CNKSR3: variants seen among roughly 807,000 people sequenced by gnomAD.
CNKSR3 encodes the protein CNKSR family member 3.
Under a neutral mutation model 67.7 loss-of-function variants are expected in CNKSR3, and 36 were observed. The observed-to-expected ratio is 0.53, with a 90% CI of 0.41 to 0.70. The LOEUF is 0.70. Ranked by LOEUF, CNKSR3 falls within the 30% of genes least tolerant of loss-of-function variation. The pLI, the probability that CNKSR3 is intolerant of heterozygous loss-of-function variation, is 0.00. For missense variants in CNKSR3, 630 were observed against 695.2 expected (o/e 0.91, Z 1.05); for synonymous variants, 281 against 271.4 (o/e 1.04, Z -0.35).
At chr6:154,468,080 C>CTTTTTTTTTTTTTTTTTTTTTTT (rs71021055) in intron 1 of CNKSR3, among the ~76,000 whole-genome samples, 1 of 107,494 alleles carries the variant, frequency 9.3e-6, no homozygotes, top group Non-Finnish European at 1.7e-5. Flanking sequence ...TCTTTTTTTT[C>CTTTTTTTTTTTTTTTTTTTTTTT]TTTTTTTTTT....
At chr6:154,508,978 G>A (rs1305444206) in intron 1 of CNKSR3, among the ~76,000 whole-genome samples, 1 of 152,178 alleles carries the variant, frequency 6.6e-6, no homozygotes, top group Non-Finnish European at 1.5e-5. Context: ...CTACCTCACA[G>A]GCTTACTGTG....
chr6:154,449,948 C>T, intron 2 of CNKSR3, 147 bp downstream of exon 2: 2 of 754,178 alleles, frequency 2.7e-6, no homozygotes, highest in Non-Finnish European at 2.0e-6. Flanking sequence ...CTTATTTTTC[C>T]CCTTCCTATA....
chr6:154,418,335 T>C (rs1408069094), intron 9 of CNKSR3, among the ~76,000 whole-genome samples: 1 of 152,184 alleles, frequency 6.6e-6, no homozygotes, highest in Non-Finnish European at 1.5e-5. Context: ...CCCTCAAAAT[T>C]GCTTTCACAA....
chr6:154,410,859 A>C, intron 11 of CNKSR3, 75 bp downstream of exon 11: 1 of 1,158,936 alleles, frequency 8.6e-7, no homozygotes, highest in Admixed American at 2.1e-5. Flanking sequence ...TTCATCCAAC[A>C]GTTCCAACTA....
chr6:154,452,302 G>A (rs55766480), intron 1 of CNKSR3, among the ~76,000 whole-genome samples: 44,489 of 152,058 alleles, frequency 0.29, 6,908 homozygotes, highest in East Asian at 0.44. Flanking sequence ...TATAACCCAG[G>A]ATTATAAAAA....
intron 1 of CNKSR3, among the ~76,000 whole-genome samples, chr6:154,472,674 A>G (rs1436351467): frequency 6.6e-6 from 1 of 152,226 alleles, no homozygotes; most frequent in Non-Finnish European, 1.5e-5. Context: ...TTCTTGGGAC[A>G]GAGGAGATAT....
At chr6:154,466,118 C>G (rs1433386711) in intron 1 of CNKSR3, among the ~76,000 whole-genome samples, 1 of 152,152 alleles carries the variant, frequency 6.6e-6, no homozygotes, top group African/African-American at 2.4e-5. Context: ...TTGCTGGAAC[C>G]AAATAACAAT....
chr6:154,510,115 G>A lies in CNKSR3; in HGVS notation c.-1C>T, dbSNP rs768119452. On this transcript the variant is annotated 5_prime_UTR_variant, in exon 1 of 13. Coordinates refer to ENST00000607772, the MANE Select transcript of CNKSR3 (RefSeq NM_173515.4). The stretch of plus-strand genomic sequence containing the variant: ...GGCTCCACTTGGTCACGGGTTCCAT[G>A]GTAAACCGCTTCGCCTCTCGCTGGG... 2 of 1,614,142 alleles carry A rather than the reference G, an allele frequency of 1.2e-6. No individual in the cohort carries two copies. The highest frequency in any genetic ancestry group is 1.7e-5 in the Admixed American group (1 of 60,034).
At chr6:154,440,740 T>C (rs1325281419) in intron 4 of CNKSR3, among the ~76,000 whole-genome samples, 1 of 152,194 alleles carries the variant, frequency 6.6e-6, no homozygotes, top group Non-Finnish European at 1.5e-5. Flanking sequence ...CTATGTCCTG[T>C]ATACATCTTG....
chr6:154,465,860 T>C (rs1301718706), intron 1 of CNKSR3, among the ~76,000 whole-genome samples: 1 of 152,182 alleles, frequency 6.6e-6, no homozygotes, highest in Non-Finnish European at 1.5e-5. Flanking sequence ...AGTTTCTAAA[T>C]AACACTCAAA....
intron 4 of CNKSR3, among the ~76,000 whole-genome samples, chr6:154,440,773 G>A (rs1237442696): frequency 6.6e-6 from 1 of 152,138 alleles, no homozygotes; most frequent in Non-Finnish European, 1.5e-5. Context: ...GGAGGTGATT[G>A]CCCTCTAGCC....
chr6:154,405,066 C>A lies in CNKSR3; in HGVS notation c.*1288G>T, dbSNP rs1784760803. 6.6e-6 allele frequency: 1 copy of A among 152,178 alleles called. No homozygotes were observed. Among genetic ancestry groups the A allele is most frequent in the Non-Finnish European group, 1.5e-5 (1 of 68,034 alleles). 9.4% of individuals were successfully genotyped at this position (152,178 alleles called of 1,614,324 possible). On this transcript the variant is annotated 3_prime_UTR_variant, in exon 13 of 13. Transcript: ENST00000607772. The stretch of plus-strand genomic sequence containing the variant: ...GATTTCGGCTCTGCCTAGGAAGATA[C>A]CTCAGAAAATTCCCCTCGTGCAATT...
At chr6:154,505,501 T>TTA (rs1562361575) in intron 1 of CNKSR3, among the ~76,000 whole-genome samples, 81 of 141,000 alleles carry the variant, frequency 5.7e-4, no homozygotes, top group Non-Finnish European at 1.1e-3. Flanking sequence ...TTATTATTTT[T>TTA]TTTTTTTTTT....
At chr6:154,486,171 C>G (rs1201274656) in intron 1 of CNKSR3, among the ~76,000 whole-genome samples, 2 of 152,186 alleles carry the variant, frequency 1.3e-5, no homozygotes, top group Admixed American at 1.3e-4. Context: ...ATATCGCCAG[C>G]CCTCAGGTCT....
At chr6:154,489,642 T>C (rs1452290601) in intron 1 of CNKSR3, among the ~76,000 whole-genome samples, 3 of 152,162 alleles carry the variant, frequency 2.0e-5, no homozygotes, top group Admixed American at 2.0e-4. Context: ...TGAGGAGTGT[T>C]CTGTTGGAAA....
rs1382730749 is a variant in CNKSR3 at position 154,393,387 on chromosome 6, A to G, written c.*12967T>C. The stretch of plus-strand genomic sequence containing the variant: ...ATCATTTCAGTTTTGCCAGTCAGGT[A>G]GAGAGCAGCATCTCCCTGTGATTTT... On this transcript the variant is annotated 3_prime_UTR_variant, in exon 13 of 13. Transcript: ENST00000607772. 6.6e-6 allele frequency: 1 copy of G among 152,236 alleles called. No individual in the cohort carries two copies. The highest frequency in any genetic ancestry group is 1.5e-5 in the Non-Finnish European group (1 of 68,050). The allele number at this position is 152,236 out of a possible 1,614,324, so 9.4% of individuals were successfully genotyped here. A position where few individuals can be genotyped will look rare whatever the true frequency, so the allele number is the denominator to read the frequency against.
chr6:154,397,769 T>C lies in CNKSR3; in HGVS notation c.*8585A>G, dbSNP rs189174119. The C allele has an allele frequency of 2.0e-5, 3 of 151,530 alleles. No individual in the cohort carries two copies. The highest frequency in any genetic ancestry group is 4.4e-5 in the Non-Finnish European group (3 of 67,992). The allele number at this position is 151,530 out of a possible 1,614,324, so 9.4% of individuals were successfully genotyped here. ...CACAGTGCAGTGGGGGTGTGTGAGA[T>C]GCACAGGGCAGACAGTACAGCCTGC... is the stretch of plus-strand genomic sequence containing the variant. On this transcript the variant is annotated 3_prime_UTR_variant, in exon 13 of 13. Transcript: ENST00000607772.
chr6:154,444,499 C>T (rs1785666078), intron 2 of CNKSR3, among the ~76,000 whole-genome samples: 1 of 151,844 alleles, frequency 6.6e-6, no homozygotes, highest in Admixed American at 6.6e-5. Flanking sequence ...ACAAGATGGA[C>T]ATTAGACAAG....
chr6:154,441,262 A>AAAAG (rs749256040), intron 4 of CNKSR3, 30 bp downstream of exon 4: 1 of 1,396,652 alleles, frequency 7.2e-7, no homozygotes, highest in African/African-American at 1.5e-5. Context: ...AAAAAAAAAA[A>AAAAG]AAAGAAAGTG....
Sources: gnomAD v4.1 joint callset for allele counts (sites outside exome capture counted in the v4.1 genomes callset) on GRCh38, gnomAD v4.1.1 for gene constraint, MANE v1.5 for transcripts, NCBI Gene and HGNC (gene_info 2026-07-23, HGNC 2026-07-21) for gene names.